The following MRPS35 variants were observed in gnomAD, a reference collection of about 807,000 sequenced individuals.
MRPS35 encodes the protein small ribosomal subunit protein mS35.
Under a neutral mutation model 32.7 loss-of-function variants are expected in MRPS35, and 29 were observed. The ratio of observed to expected loss-of-function variants is 0.89; its 90% CI spans 0.66 to 1.21. The LOEUF is 1.21. Ranked by LOEUF, MRPS35 falls within the 50% of genes most tolerant of loss-of-function variation. The pLI, the probability that MRPS35 is intolerant of heterozygous loss-of-function variation, is 0.00. For missense variants in MRPS35, 373 were observed against 383.8 expected (o/e 0.97, Z 0.23); for synonymous variants, 148 against 139.3 (o/e 1.06, Z -0.44).
In MRPS35 at chr12:27,756,107, C is replaced by T. The variant is rs2062025476; in HGVS notation, c.*657C>T. On this transcript the variant is annotated 3_prime_UTR_variant, in exon 8 of 8. Transcript: ENST00000081029. ...TGCCCCAGTTAGAGCTGCCACAGCT[C>T]AGGAAAAAGATGAGGCATAACGACC... is the stretch of plus-strand genomic sequence containing the variant. 6.6e-6 allele frequency: 1 copy of T among 152,104 alleles called. No individual in the cohort carries two copies. The highest frequency in any genetic ancestry group is 2.4e-5 in the African/African-American group (1 of 41,416). 9.4% of individuals were successfully genotyped at this position (152,104 alleles called of 1,614,324 possible). A position where few individuals can be genotyped will look rare whatever the true frequency, so the allele number is the denominator to read the frequency against.
intron 7 of MRPS35, among the ~76,000 whole-genome samples, chr12:27,738,496 A>T (rs933790040): frequency 1.3e-5 from 2 of 152,336 alleles, no homozygotes; most frequent in South Asian, 2.1e-4. Context: ...AAGTATGTAC[A>T]TTTATAAGGA....
At chr12:27,712,862 C>G (rs2061833913) in intron 1 of MRPS35, among the ~76,000 whole-genome samples, 3 of 152,114 alleles carry the variant, frequency 2.0e-5, no homozygotes, top group African/African-American at 7.2e-5. Flanking sequence ...ATTGAAAATA[C>G]AAGAAATTAG....
rs138552844 is a variant in MRPS35 at position 27,737,523 on chromosome 12, G to A, written c.633-16G>A. On this transcript the variant is annotated splice_polypyrimidine_tract_variant and intron_variant, in intron 6 of 7. Transcript: ENST00000081029. Reference sequence around the variant, plus strand: ...AGTTTTTAGAATTTTGACTTCTCCCGCTTTCTCTTTAATAGGTGCCCTTTA... The same window carrying A: ...AGTTTTTAGAATTTTGACTTCTCCCACTTTCTCTTTAATAGGTGCCCTTTA... 9.1e-4 allele frequency: 1,457 copies of A among 1,607,014 alleles called. 2 individuals are homozygous for A. The highest frequency in any genetic ancestry group is 1.3e-3 in the Admixed American group (75 of 59,692).
chr12:27,734,456 G>A (rs2061935249), intron 5 of MRPS35, among the ~76,000 whole-genome samples: 1 of 151,994 alleles, frequency 6.6e-6, no homozygotes, highest in South Asian at 2.1e-4. Context: ...GGTCAGGCTG[G>A]TCTTGAACTC....
chr12:27,740,357 T>G (rs560602600), intron 7 of MRPS35, among the ~76,000 whole-genome samples: 5 of 152,080 alleles, frequency 3.3e-5, no homozygotes, highest in Non-Finnish European at 5.9e-5. Flanking sequence ...AGCCTTGGCC[T>G]CCTGCGTTCA....
intron 7 of MRPS35, among the ~76,000 whole-genome samples, chr12:27,742,986 A>G (rs2061969674): frequency 1.3e-5 from 2 of 151,842 alleles, no homozygotes; most frequent in Admixed American, 6.6e-5. Context: ...TCAGCCTCCC[A>G]AGTAGCTGGG....
chr12:27,734,901 G>A (rs1460067640), intron 5 of MRPS35, among the ~76,000 whole-genome samples: 1 of 152,092 alleles, frequency 6.6e-6, no homozygotes, highest in Non-Finnish European at 1.5e-5. Context: ...TTTGAGAAAC[G>A]TTGAGCTAAA....
At chr12:27,737,174 A>G (rs1369717445) in intron 6 of MRPS35, among the ~76,000 whole-genome samples, 3 of 152,206 alleles carry the variant, frequency 2.0e-5, no homozygotes, top group East Asian at 1.9e-4. Context: ...CTCTATGTCT[A>G]CTTTTTAGAT....
intron 5 of MRPS35, among the ~76,000 whole-genome samples, chr12:27,727,672 T>G (rs1293242941): frequency 6.6e-6 from 1 of 152,182 alleles, no homozygotes; most frequent in South Asian, 2.1e-4. Flanking sequence ...TAAGAAATCA[T>G]TGTCTTATTC....
At chr12:27,730,179 ATC>A (rs746791054) in intron 5 of MRPS35, among the ~76,000 whole-genome samples, 1 of 152,142 alleles carries the variant, frequency 6.6e-6, no homozygotes, top group Non-Finnish European at 1.5e-5. Context: ...TGTTCAGATT[ATC>A]TTAGTTTTTT....
chr12:27,748,438 G>GGTGTGTGTGTGTGTGTGT (rs35760106), intron 7 of MRPS35, among the ~76,000 whole-genome samples: 1 of 145,972 alleles, frequency 6.9e-6, no homozygotes, highest in Non-Finnish European at 1.5e-5. Context: ...AAAGAAAAGT[G>GGTGTGTGTGTGTGTGTGT]GTGTGTGTGT....
At chr12:27,712,156 G>A (rs575804817) in intron 1 of MRPS35, among the ~76,000 whole-genome samples, 15 of 152,192 alleles carry the variant, frequency 9.9e-5, no homozygotes, top group Middle Eastern at 3.4e-3. Flanking sequence ...AGAGATATGG[G>A]GAAAGAGCCT....
intron 3 of MRPS35, among the ~76,000 whole-genome samples, chr12:27,717,164 G>T (rs887738165): frequency 6.6e-6 from 1 of 151,810 alleles, no homozygotes; most frequent in Non-Finnish European, 1.5e-5. Flanking sequence ...TTACAGGTGT[G>T]AGCCACCACA....
At chr12:27,751,102 CAAAAAAAAAAAAA>C (rs71438703) in intron 7 of MRPS35, among the ~76,000 whole-genome samples, 5 of 38,134 alleles carry the variant, frequency 1.3e-4, no homozygotes, top group African/African-American at 2.3e-4. Flanking sequence ...GACTCCATCT[CAAAAAAAAAAAAA>C]AAAAAAAAAA....
At chr12:27,719,591 G>A (rs1471403117) in intron 3 of MRPS35, among the ~76,000 whole-genome samples, 2 of 151,264 alleles carry the variant, frequency 1.3e-5, no homozygotes, top group South Asian at 2.1e-4. Context: ...GCGTGAACCC[G>A]GGAAGCGGAG....
rs2061910407 is a variant in MRPS35, at chr12:27,728,869, TGATAA to T, written c.522+4687_522+4691del. On this transcript the variant is annotated intron_variant, in intron 5 of 7. Coordinates refer to ENST00000081029, the MANE Select transcript of MRPS35 (RefSeq NM_021821.4). The stretch of plus-strand genomic sequence containing the variant: ...AACCTGGAAGTTAGATTTAAAGGGC[TGATAA>T]GATTCCAGTTAAATATGTTTGGCAA... Among the ~76,000 whole-genome samples, 4 of 152,290 alleles carry T rather than the reference TGATAA, an allele frequency of 2.6e-5. No individual in the cohort carries two copies. In the South Asian group the frequency reaches 8.3e-4, roughly 32 times the overall value.
intron 3 of MRPS35, 121 bp from the exon 4 acceptor site, chr12:27,719,687 A>C (rs1055919487): frequency 6.1e-6 from 4 of 660,432 alleles, no homozygotes; most frequent in South Asian, 1.9e-5. Flanking sequence ...AAAAAAAAAA[A>C]CAAACAGATT....
chr12:27,730,691 G>T (rs1466328219), intron 5 of MRPS35, among the ~76,000 whole-genome samples: 1 of 152,032 alleles, frequency 6.6e-6, no homozygotes, highest in African/African-American at 2.4e-5. Context: ...GGCTGGTCTG[G>T]AACTCCTGGG....
chr12:27,728,432 C>G (rs527980500), intron 5 of MRPS35, among the ~76,000 whole-genome samples: 1 of 152,198 alleles, frequency 6.6e-6, no homozygotes, highest in South Asian at 2.1e-4. Flanking sequence ...CTTAACATTT[C>G]TGACACCTAA....
Sources: allele counts gnomAD v4.1 joint callset (sites outside exome capture counted in the v4.1 genomes callset), GRCh38; gene constraint gnomAD v4.1.1; transcripts MANE v1.5; gene names NCBI Gene and HGNC (gene_info 2026-07-23, HGNC 2026-07-21).